The following WWC2 variants were observed in gnomAD, a reference collection of about 807,000 sequenced individuals.
WWC2 encodes WW and C2 domain containing 2.
A neutral mutation model predicts 138.5 loss-of-function variants in WWC2; 101 were observed. The observed-to-expected ratio is 0.73, with a 90% CI of 0.62 to 0.86. The LOEUF (loss-of-function observed/expected upper bound fraction) is 0.86, where lower values mean the gene tolerates loss of function less well. WWC2 is among the 40% of genes least tolerant of loss of function. WWC2 has a pLI of 0.00. For synonymous variants in WWC2, 558 were observed against 538.4 expected (o/e 1.04, Z -0.50); for missense variants, 1,420 against 1,419.4 (o/e 1.00, Z -0.01).
intron 1 of WWC2, among the ~76,000 whole-genome samples, chr4:183,137,549 A>C (rs1365716852): frequency 6.6e-6 from 1 of 151,430 alleles, no homozygotes; most frequent in Non-Finnish European, 1.5e-5. Context: ...CCCAGGCTGG[A>C]GTGCAGTGGC....
intron 1 of WWC2, among the ~76,000 whole-genome samples, chr4:183,147,120 G>A (rs1733484073): frequency 1.3e-5 from 2 of 152,152 alleles, no homozygotes; most frequent in South Asian, 4.2e-4. Context: ...ACAATTCTGT[G>A]TTTACACTGT....
chr4:183,189,168 C>G (rs4541557), intron 1 of WWC2, among the ~76,000 whole-genome samples: 148,242 of 151,974 alleles, frequency 0.98, 72,404 homozygotes, highest in Non-Finnish European at 1. Context: ...GGCGCAGTGG[C>G]TCATGCCTGT....
intron 4 of WWC2, among the ~76,000 whole-genome samples, chr4:183,238,115 A>C (rs1454354850): frequency 6.6e-6 from 1 of 152,210 alleles, no homozygotes; most frequent in African/African-American, 2.4e-5. Flanking sequence ...TCTAGTTGCC[A>C]TTGAAGTCTC....
intron 1 of WWC2, among the ~76,000 whole-genome samples, chr4:183,103,059 T>G (rs72691664): frequency 0.031 from 4,726 of 152,218 alleles, 95 homozygotes; most frequent in South Asian, 0.044. Flanking sequence ...AGAGATACAA[T>G]GACTTTGTCT....
At chr4:183,168,997 C>T (rs1734201218) in intron 1 of WWC2, among the ~76,000 whole-genome samples, 1 of 151,892 alleles carries the variant, frequency 6.6e-6, no homozygotes, top group Non-Finnish European at 1.5e-5. Flanking sequence ...TACAGGCGTG[C>T]ACCACCACGC....
intron 4 of WWC2, among the ~76,000 whole-genome samples, chr4:183,235,612 C>G (rs1736397965): frequency 6.6e-6 from 1 of 152,178 alleles, no homozygotes; most frequent in African/African-American, 2.4e-5. Context: ...CATCTTGTTT[C>G]ACTTGGCACA....
intron 16 of WWC2, among the ~76,000 whole-genome samples, chr4:183,275,936 T>C (rs1322977254): frequency 6.6e-6 from 1 of 152,190 alleles, no homozygotes; most frequent in African/African-American, 2.4e-5. Context: ...ATTCTATCTC[T>C]GTACTTCAGT....
At chr4:183,193,740 A>G (rs1298460183) in intron 2 of WWC2, 32 bp downstream of exon 2, 1 of 1,541,526 alleles carries the variant, frequency 6.5e-7, no homozygotes, top group Non-Finnish European at 8.9e-7. Flanking sequence ...AAGCAAACAT[A>G]TCAGAAAAGT....
chr4:183,135,088 A>AT (rs1176911637), intron 1 of WWC2, among the ~76,000 whole-genome samples: 1 of 151,766 alleles, frequency 6.6e-6, no homozygotes, highest in Non-Finnish European at 1.5e-5. Flanking sequence ...GTGCCACCAC[A>AT]TTTTTTTGTA....
At chr4:183,148,126 C>T (rs1200497879) in intron 1 of WWC2, among the ~76,000 whole-genome samples, 1 of 152,186 alleles carries the variant, frequency 6.6e-6, no homozygotes, top group Non-Finnish European at 1.5e-5. Flanking sequence ...AGGTTGTGGC[C>T]TCTCACAGTA....
chr4:183,163,917 T>G (rs567417207), intron 1 of WWC2, among the ~76,000 whole-genome samples: 1 of 152,126 alleles, frequency 6.6e-6, no homozygotes, highest in Non-Finnish European at 1.5e-5. Flanking sequence ...GCTTTAATGT[T>G]CCAGGTTATA....
chr4:183,234,356 T>C (rs1297962325), intron 4 of WWC2, among the ~76,000 whole-genome samples: 3 of 152,084 alleles, frequency 2.0e-5, no homozygotes, highest in Non-Finnish European at 4.4e-5. Context: ...GAAATAAAAT[T>C]AGGTGGTTAG....
At chr4:183,293,868 AAACC>A (rs1355694000) in intron 21 of WWC2, among the ~76,000 whole-genome samples, 6 of 152,332 alleles carry the variant, frequency 3.9e-5, no homozygotes, top group Non-Finnish European at 5.9e-5. Context: ...TAACAAAAAT[AAACC>A]GTACAGTATA....
intron 1 of WWC2, among the ~76,000 whole-genome samples, chr4:183,116,171 T>C (rs966054095): frequency 2.0e-5 from 3 of 152,102 alleles, no homozygotes; most frequent in Non-Finnish European, 4.4e-5. Flanking sequence ...TTATTTCTGG[T>C]TTTTCTAACA....
chr4:183,267,152 C>T (rs1198964436), intron 14 of WWC2, among the ~76,000 whole-genome samples: 1 of 151,882 alleles, frequency 6.6e-6, no homozygotes, highest in Non-Finnish European at 1.5e-5. Flanking sequence ...CCACCGAGCC[C>T]AGCCAAGATA....
rs762315244 is a variant in WWC2, at chr4:183,284,266, A to G, written c.2924A>G (p.Asn975Ser). 1.5e-5 allele frequency: 24 copies of G among 1,613,914 alleles called. No homozygotes were observed. Among genetic ancestry groups the G allele is most frequent in the Admixed American group, 5.0e-5 (3 of 60,012 alleles). ...ETNTDEAAND[N>S]MAVRPKERSS... Reference sequence around the variant, plus strand: ...AACACTGATGAAGCCGCTAATGACAATATGGCAGTTCGCCCCAAAGAGCGC... The same window carrying G: ...AACACTGATGAAGCCGCTAATGACAGTATGGCAGTTCGCCCCAAAGAGCGC... The change falls in exon 19 of 23, where the codon AAT (asparagine) becomes AGT (serine). Residue 975 changes from asparagine (N) to serine (S), a missense_variant. By Grantham distance (46) the Asn-to-Ser change is conservative (BLOSUM62 1). Coordinates refer to ENST00000403733, the MANE Select transcript of WWC2 (RefSeq NM_024949.6).
chr4:183,180,902 A>C (rs1734613610), intron 1 of WWC2, among the ~76,000 whole-genome samples: 1 of 152,186 alleles, frequency 6.6e-6, no homozygotes. Flanking sequence ...AAATTAAGAA[A>C]AAGGTATGGC....
At chr4:183,292,510 C>G (rs1296146335) in intron 21 of WWC2, among the ~76,000 whole-genome samples, 3 of 151,494 alleles carry the variant, frequency 2.0e-5, no homozygotes, top group Non-Finnish European at 4.4e-5. Context: ...TGAATACTAT[C>G]AAAAGTATAT....
intron 1 of WWC2, among the ~76,000 whole-genome samples, chr4:183,164,323 A>T (rs1469770712): frequency 0.015 from 5 of 334 alleles, 1 homozygote; most frequent in African/African-American, 0.034. Flanking sequence ...ATATATACAT[A>T]TATATATATA....
Sources: allele counts gnomAD v4.1 joint callset (sites outside exome capture counted in the v4.1 genomes callset), GRCh38; gene constraint gnomAD v4.1.1; transcripts MANE v1.5; gene names NCBI Gene and HGNC (gene_info 2026-07-23, HGNC 2026-07-21).